Variants in DNAH8 observed in about 807,000 individuals in gnomAD.
DNAH8 encodes the protein axonemal beta dynein heavy chain 8.
DNAH8 carries 382 observed loss-of-function variants against 562.1 expected under a neutral mutation model. The ratio of observed to expected loss-of-function variants is 0.68; its 90% CI spans 0.63 to 0.74. The LOEUF is 0.74. Ranked by LOEUF, DNAH8 falls within the 30% of genes least tolerant of loss-of-function variation. The pLI is 0.00. For synonymous variants in DNAH8, 1,881 were observed against 1,919.4 expected, an observed-to-expected ratio of 0.98 and a Z score of 0.52; for missense variants, 5,203 against 5,620.4, an observed-to-expected ratio of 0.93 and a Z score of 2.37.
intron 79 of DNAH8, among the ~76,000 whole-genome samples, chr6:38,941,026 A>C (rs1227185250): frequency 3.3e-5 from 5 of 152,108 alleles, no homozygotes; most frequent in Admixed American, 2.6e-4. Context: ...AAGCTGAAGC[A>C]GGAGAATCAC....
chr6:38,876,365 A>G (rs1283230515), intron 53 of DNAH8, among the ~76,000 whole-genome samples: 2 of 152,104 alleles, frequency 1.3e-5, no homozygotes, highest in African/African-American at 4.8e-5. Context: ...CCAGGCCCTG[A>G]TTCTTCAAAG....
chr6:38,930,402 G>C (rs1386904503), intron 75 of DNAH8, among the ~76,000 whole-genome samples: 1 of 149,088 alleles, frequency 6.7e-6, no homozygotes, highest in Non-Finnish European at 1.5e-5. Context: ...AAGTAAAAAT[G>C]AATATTTTCT....
At chr6:38,723,934 A>T (rs1480801001) in intron 3 of DNAH8, among the ~76,000 whole-genome samples, 1 of 151,914 alleles carries the variant, frequency 6.6e-6, no homozygotes, top group African/African-American at 2.4e-5. Flanking sequence ...TTTAGTTTAT[A>T]TAATTATAGC....
At chr6:38,736,961 A>C (rs971546564) in intron 5 of DNAH8, 106 bp from the exon 6 acceptor site, 3 of 759,830 alleles carry the variant, frequency 3.9e-6, no homozygotes, top group Non-Finnish European at 3.9e-6. Context: ...ATAGTTTATA[A>C]AATGTATTAG....
In DNAH8 at chr6:38,990,064, A is replaced by G. The variant is rs1239764086; in HGVS notation, c.13106A>G (p.Tyr4369Cys). The G allele has an allele frequency of 3.1e-6, 5 of 1,600,006 alleles. No homozygotes were observed. Among genetic ancestry groups the G allele is most frequent in the African/African-American group, 1.3e-5 (1 of 74,658 alleles). The change falls in exon 88 of 93, where the codon TAT becomes TGT. Residue 4369 changes from tyrosine to cysteine, a missense_variant. Coordinates refer to ENST00000327475, the MANE Select transcript of DNAH8 (RefSeq NM_001206927.2). The part of the protein sequence containing the change: ...FEPSFCFYTG[Y>C]KIPLCKTLDQ... ...CCGTCATTCTGCTTTTATACTGGAT[A>G]TAAAATCCCCTTATGCAAAACCTTA... is the stretch of plus-strand genomic sequence containing the variant.
At chr6:38,803,913 C>T (rs1771018186) in intron 22 of DNAH8, among the ~76,000 whole-genome samples, 1 of 152,070 alleles carries the variant, frequency 6.6e-6, no homozygotes, top group Admixed American at 6.6e-5. Context: ...CATGTATTCT[C>T]CACCATCCAT....
rs145263988 is a variant in DNAH8 at position 38,974,218 on chromosome 6, A to G, written c.12679-156A>G. Among the ~76,000 whole-genome samples, 248 of 152,364 alleles carry G rather than the reference A, an allele frequency of 1.6e-3. 1 individual carries two copies. The highest frequency in any genetic ancestry group is 5.8e-3 in the African/African-American group (240 of 41,604). ...TAGAATGCTCAAAGGCAATGCTCAT[A>G]TAACAATTTAATGCTAATATTCCAA... is the stretch of plus-strand genomic sequence containing the variant. On this transcript the variant is annotated intron_variant, in intron 84 of 92. Transcript: ENST00000327475.
In DNAH8 at chr6:38,786,886, A is replaced by C; in HGVS notation, c.2517A>C (p.Val839=). The change falls in exon 18 of 93, where the codon GTA becomes GTC. Residue 839 remains valine (V), a synonymous_variant. Transcript: ENST00000327475. The part of the protein sequence containing the change: ...TKCMIKMKLD[V]PEQAKRLLKL... Reference sequence around the variant, plus strand: ...GTATGATAAAAATGAAGTTGGATGTACCAGAACAGGCAAAGAGATTGCTAA... The same window carrying C: ...GTATGATAAAAATGAAGTTGGATGTCCCAGAACAGGCAAAGAGATTGCTAA... 1 of 1,613,578 alleles carries C rather than the reference A, an allele frequency of 6.2e-7. No homozygotes were observed. The highest frequency in any genetic ancestry group is 8.5e-7 in the Non-Finnish European group (1 of 1,179,710).
In DNAH8 at chr6:38,926,091, G is replaced by A. The variant is rs754636870; in HGVS notation, c.10999G>A (p.Asp3667Asn). 1 of 1,613,738 alleles carries A rather than the reference G, an allele frequency of 6.2e-7. No individual in the cohort carries two copies. Among genetic ancestry groups the A allele is most frequent in the South Asian group, 1.1e-5 (1 of 91,062 alleles). The change falls in exon 74 of 93, where the codon GAT (aspartate) becomes AAT (asparagine). Residue 3667 changes from aspartate to asparagine, a missense_variant. Around this residue, in one of 6 missense-constraint regions of DNAH8, gnomAD observed 1,399 missense variants for 1,518.4 expected, o/e 0.92. Coordinates refer to ENST00000327475, the MANE Select transcript of DNAH8 (RefSeq NM_001206927.2). Reference protein sequence around the residue: ...EWGLQGLPGDDLSIQNGIIVT... With the variant: ...EWGLQGLPGDNLSIQNGIIVT... ...GGGGCTACAGGGATTACCAGGAGAT[G>A]ATCTCTCAATTCAGAATGGCATTAT... is the stretch of plus-strand genomic sequence containing the variant.
At chr6:38,947,175 A>C (rs369114496) in intron 80 of DNAH8, among the ~76,000 whole-genome samples, 15 of 152,316 alleles carry the variant, frequency 9.8e-5, no homozygotes, top group African/African-American at 3.6e-4. Flanking sequence ...CCATGCCATC[A>C]TGAGTTATTT....
chr6:38,722,284 T>C (rs1762814212), intron 1 of DNAH8, among the ~76,000 whole-genome samples: 1 of 152,232 alleles, frequency 6.6e-6, no homozygotes, highest in South Asian at 2.1e-4. Flanking sequence ...GTAGAATGTC[T>C]GATTAATGAA....
In DNAH8 at chr6:38,747,384, CTTTTTTTTT is replaced by C. The variant is rs55729629; in HGVS notation, c.1294-3080_1294-3072del. On this transcript the variant is annotated intron_variant, in intron 8 of 92. Coordinates refer to ENST00000327475, the MANE Select transcript of DNAH8 (RefSeq NM_001206927.2). ...TTTGTCATTTTCTTTTTTTCTTTTT[CTTTTTTTTT>C]TTTTTTTTTTTGAGGCAAAATCTCA... is the stretch of plus-strand genomic sequence containing the variant. Among the ~76,000 whole-genome samples, 26 of 113,760 alleles carry C rather than the reference CTTTTTTTTT, an allele frequency of 2.3e-4. No homozygotes were observed. The East Asian group carries it at 4.2e-3, about 18-fold the overall frequency. 74.6% of individuals were successfully genotyped at this position (113,760 alleles called of 152,430 possible).
intron 11 of DNAH8, chr6:38,764,029 A>G (rs1766760336): frequency 6.5e-6 from 1 of 153,394 alleles, no homozygotes; most frequent in Non-Finnish European, 1.5e-5. Flanking sequence ...AAGACCTGAA[A>G]TCACTTTTTC....
At chr6:38,849,033 T>C (rs1775533185) in intron 37 of DNAH8, among the ~76,000 whole-genome samples, 1 of 152,120 alleles carries the variant, frequency 6.6e-6, no homozygotes, top group African/African-American at 2.4e-5. Flanking sequence ...AGTTGAGTAG[T>C]TATAACTGAG....
At chr6:38,891,270 C>T (rs1779322676) in intron 58 of DNAH8, among the ~76,000 whole-genome samples, 1 of 152,146 alleles carries the variant, frequency 6.6e-6, no homozygotes, top group Non-Finnish European at 1.5e-5. Context: ...AAGTCAGTGT[C>T]CTAAGTAAAG....
At chr6:38,914,392 CTTTTTTTTT>C (rs66765653) in intron 67 of DNAH8, among the ~76,000 whole-genome samples, 13 of 63,986 alleles carry the variant, frequency 2.0e-4, no homozygotes, top group South Asian at 7.9e-4. Context: ...TGCTTTTTCT[CTTTTTTTTT>C]TTTTTTTTTT....
Position 38,906,338 on chromosome 6 carries a change from C to T in DNAH8, c.9279C>T (p.Ile3093=). 1 of 1,610,102 alleles carries T rather than the reference C, an allele frequency of 6.2e-7. No individual in the cohort carries two copies. Among genetic ancestry groups the T allele is most frequent in the Non-Finnish European group, 8.5e-7 (1 of 1,177,600 alleles). The stretch of plus-strand genomic sequence containing the variant: ...CTGATGGAAAAGGCATCACTTTCAT[C>T]TTTACTGACAGTGAAATAAAAGATG... The part of the protein sequence containing the change: ...AGADGKGITF[I]FTDSEIKDEA... The change falls in exon 63 of 93, where the codon ATC becomes ATT. Residue 3093 remains isoleucine, a synonymous_variant. Coordinates refer to ENST00000327475, the MANE Select transcript of DNAH8 (RefSeq NM_001206927.2).
intron 10 of DNAH8, among the ~76,000 whole-genome samples, chr6:38,761,097 T>C (rs1430241996): frequency 1.3e-5 from 2 of 150,618 alleles, no homozygotes; most frequent in African/African-American, 2.4e-5. Context: ...TATTTATTTA[T>C]TATTATTATT....
chr6:38,849,500 T>C (rs1380988317), intron 37 of DNAH8, among the ~76,000 whole-genome samples: 2 of 151,980 alleles, frequency 1.3e-5, no homozygotes, highest in Admixed American at 1.3e-4. Flanking sequence ...AGCCTGATCT[T>C]CCTAAACTTC....
Sources: allele counts gnomAD v4.1 joint callset (sites outside exome capture counted in the v4.1 genomes callset), GRCh38; gene constraint gnomAD v4.1.1; regional missense constraint gnomAD v4.1.1; transcripts MANE v1.5; gene names NCBI Gene and HGNC (gene_info 2026-07-23, HGNC 2026-07-21).